Variants in FGF14 observed in about 807,000 individuals in gnomAD.
FGF14 encodes fibroblast growth factor homologous factor 4.
In FGF14, 5 loss-of-function variants were observed where a neutral mutation model predicts 25.5. The ratio of observed to expected loss-of-function variants is 0.20; its 90% CI spans 0.10 to 0.41. The LOEUF (loss-of-function observed/expected upper bound fraction) is 0.41. Ranked by LOEUF, FGF14 falls within the 10% of genes least tolerant of loss-of-function variation. FGF14 has a pLI of 1.00. For synonymous variants in FGF14, 138 were observed against 118.3 expected (o/e 1.17, Z -1.08); for missense variants, 222 against 320.1 (o/e 0.69, Z 2.34).
chr13:102,043,434 A>G (rs2041836984), intron 1 of FGF14, among the ~76,000 whole-genome samples: 1 of 152,166 alleles, frequency 6.6e-6, no homozygotes. Context: ...TCTAGGCCAG[A>G]TACTTTGCTA....
intron 3 of FGF14, among the ~76,000 whole-genome samples, chr13:101,743,019 C>G (rs1305988124): frequency 6.6e-6 from 1 of 152,158 alleles, no homozygotes; most frequent in Non-Finnish European, 1.5e-5. Context: ...CTCTTATCTA[C>G]CTATGACCTG....
rs1475321298 is a variant in FGF14 at position 101,718,148 on chromosome 13, G to T, written c.*4683C>A. 2 of 151,976 alleles carry T rather than the reference G, an allele frequency of 1.3e-5. No individual in the cohort carries two copies. Among genetic ancestry groups the T allele is most frequent in the Non-Finnish European group, 2.9e-5 (2 of 67,996 alleles). The allele number at this position is 151,976 out of a possible 1,614,324, so 9.4% of individuals were successfully genotyped here. A position where few individuals can be genotyped will look rare whatever the true frequency, so the allele number is the denominator to read the frequency against. On this transcript the variant is annotated 3_prime_UTR_variant, in exon 5 of 5. Coordinates refer to ENST00000376143, the MANE Select transcript of FGF14 (RefSeq NM_004115.4). The stretch of plus-strand genomic sequence containing the variant: ...AACTGTATTATAGTAGAAGTTAATG[G>T]TACCTAAACTCTAAGGAATGCTTTT...
chr13:101,942,303 T>TTC (rs2035503163), intron 1 of FGF14, among the ~76,000 whole-genome samples: 1 of 152,164 alleles, frequency 6.6e-6, no homozygotes, highest in South Asian at 2.1e-4. Context: ...AGGAAATGCC[T>TTC]TCTCCTTATT....
intron 1 of FGF14, among the ~76,000 whole-genome samples, chr13:102,111,120 C>T (rs1226450458): frequency 6.6e-6 from 1 of 152,138 alleles, no homozygotes; most frequent in Non-Finnish European, 1.5e-5. Context: ...GTCAGTCAGG[C>T]CTTTCACAGC....
intron 3 of FGF14, among the ~76,000 whole-genome samples, chr13:101,810,278 G>A (rs1323208267): frequency 6.6e-6 from 1 of 152,088 alleles, no homozygotes; most frequent in Non-Finnish European, 1.5e-5. Flanking sequence ...ATTTATTTAT[G>A]TATTTATTTT....
chr13:102,017,790 C>T (rs1213185071), intron 1 of FGF14, among the ~76,000 whole-genome samples: 3 of 152,070 alleles, frequency 2.0e-5, no homozygotes, highest in African/African-American at 7.2e-5. Flanking sequence ...TATCTCTTTG[C>T]CTTTCTTTAT....
At chr13:101,977,262 AT>A (rs1184284244) in intron 1 of FGF14, among the ~76,000 whole-genome samples, 1 of 152,100 alleles carries the variant, frequency 6.6e-6, no homozygotes, top group African/African-American at 2.4e-5. Flanking sequence ...CATATGTGAG[AT>A]TCCTAAACAG....
rs1278535195 is a variant in FGF14, at chr13:101,896,503, A to T, written c.193+19950T>A. ...CAGATTTTCTCATAGTGTGACTCCA[A>T]CTCCGCAATGGAGAAAAACATAATG... On this transcript the variant is annotated intron_variant, in intron 1 of 4. Coordinates refer to ENST00000376143, the MANE Select transcript of FGF14 (RefSeq NM_004115.4). Among the ~76,000 whole-genome samples, 4 of 152,042 alleles carry T rather than the reference A, an allele frequency of 2.6e-5. No individual in the cohort carries two copies. In the East Asian group the frequency reaches 5.8e-4, roughly 22 times the overall value.
chr13:102,291,600 C>T (rs2054402097), intron 1 of FGF14, among the ~76,000 whole-genome samples: 1 of 152,098 alleles, frequency 6.6e-6, no homozygotes, highest in Non-Finnish European at 1.5e-5. Context: ...AAATCAGCAT[C>T]CATCAAGCTG....
intron 1 of FGF14, among the ~76,000 whole-genome samples, chr13:101,953,491 A>G (rs1374741322): frequency 6.6e-6 from 1 of 151,740 alleles, no homozygotes; most frequent in East Asian, 1.9e-4. Context: ...ACTCTTCTCT[A>G]AAGGTTCTTT....
intron 1 of FGF14, among the ~76,000 whole-genome samples, chr13:102,311,039 TACACACAC>T (rs377345204): frequency 4.0e-5 from 6 of 150,380 alleles, no homozygotes; most frequent in African/African-American, 1.5e-4. Flanking sequence ...TACACACACA[TACACACAC>T]ACACACACAA....
At position 101,875,214 on chromosome 13, in the gene FGF14, A is replaced by G. The variant is rs370000987; in HGVS notation, c.276T>C (p.Asp92=). Residue 92 remains aspartate, a synonymous_variant, in exon 2 of 5, where the codon GAT becomes GAC. Transcript: ENST00000376143. ...YLQMHPDGAL[D]GTKDDSTNST... ...AATTAGTGCTGTCATCCTTGGTTCCATCGAGAGCTCCATCGGGGTGCATTT... is the reference window on the plus strand; with the variant it reads ...AATTAGTGCTGTCATCCTTGGTTCCGTCGAGAGCTCCATCGGGGTGCATTT... 53 of 1,613,330 alleles carry G rather than the reference A, an allele frequency of 3.3e-5. No individual in the cohort carries two copies. The highest frequency in any genetic ancestry group is 4.2e-5 in the Non-Finnish European group (50 of 1,179,470).
intron 3 of FGF14, among the ~76,000 whole-genome samples, chr13:101,789,998 C>G (rs540885348): frequency 6.1e-4 from 92 of 151,636 alleles, no homozygotes; most frequent in Non-Finnish European, 1.1e-3. Context: ...TGCTTTTGGT[C>G]TTCAACCAGA....
At chr13:102,077,542 C>A (rs1281004185) in intron 1 of FGF14, among the ~76,000 whole-genome samples, 1 of 152,118 alleles carries the variant, frequency 6.6e-6, no homozygotes, top group African/African-American at 2.4e-5. Flanking sequence ...GAAAAATGTT[C>A]GGCATCACTA....
At chr13:101,866,354 TA>T (rs1473693315) in intron 3 of FGF14, among the ~76,000 whole-genome samples, 1 of 152,134 alleles carries the variant, frequency 6.6e-6, no homozygotes, top group Non-Finnish European at 1.5e-5. Context: ...ATAAAACAGT[TA>T]AAAATGTAAG....
intron 1 of FGF14, among the ~76,000 whole-genome samples, chr13:102,348,002 G>A (rs2057162570): frequency 6.6e-6 from 1 of 150,838 alleles, no homozygotes; most frequent in Non-Finnish European, 1.5e-5. Flanking sequence ...AAGATTTTCT[G>A]GGTAAAAAAA....
At chr13:102,196,414 A>G (rs1010888122) in intron 1 of FGF14, among the ~76,000 whole-genome samples, 1 of 152,198 alleles carries the variant, frequency 6.6e-6, no homozygotes, top group Admixed American at 6.5e-5. Context: ...AGCCTCAGGA[A>G]AGAAAAAAAA....
intron 1 of FGF14, among the ~76,000 whole-genome samples, chr13:102,146,669 G>T (rs1268839498): frequency 6.6e-6 from 1 of 152,008 alleles, no homozygotes; most frequent in East Asian, 1.9e-4. Context: ...TTAACATCTA[G>T]GCCACCACTC....
intron 1 of FGF14, among the ~76,000 whole-genome samples, chr13:102,010,003 A>C (rs1486697535): frequency 6.6e-6 from 1 of 152,234 alleles, no homozygotes; most frequent in African/African-American, 2.4e-5. Context: ...AATGATGAAA[A>C]TAATATACCT....
Sources: allele counts gnomAD v4.1 joint callset (sites outside exome capture counted in the v4.1 genomes callset), GRCh38; gene constraint gnomAD v4.1.1; transcripts MANE v1.5; gene names NCBI Gene and HGNC (gene_info 2026-07-23, HGNC 2026-07-21).